Variants in KLF12 observed in about 807,000 individuals in gnomAD.
The protein encoded by KLF12 is KLF transcription factor 12.
KLF12 carries 9 observed loss-of-function variants against 37.8 expected under a neutral mutation model. The ratio of observed to expected loss-of-function variants is 0.24; its 90% CI spans 0.14 to 0.42. KLF12 has a LOEUF of 0.42. KLF12 is among the 10% of genes least tolerant of loss of function. The pLI is 1.00. For synonymous variants in KLF12, 208 were observed against 202.1 expected, an observed-to-expected ratio of 1.03 and a Z score of -0.25; for missense variants, 411 against 516.0, an observed-to-expected ratio of 0.80 and a Z score of 1.97.
chr13:74,296,376 C>T, the KLF12 span, among the ~76,000 whole-genome samples: 80,807 of 151,984 alleles, frequency 0.53, 26,667 homozygotes, highest in Non-Finnish European at 0.74. Context: ...ACTATCTCAT[C>T]CAATCTACTG....
At chr13:73,834,726 G>C (rs1306068817) in intron 4 of KLF12, among the ~76,000 whole-genome samples, 1 of 152,142 alleles carries the variant, frequency 6.6e-6, no homozygotes, top group African/African-American at 2.4e-5. Flanking sequence ...TGGCTAGGCT[G>C]GTCTCGAACT....
intron 7 of KLF12, among the ~76,000 whole-genome samples, chr13:73,700,714 C>T (rs975087529): frequency 3.9e-5 from 6 of 151,918 alleles, no homozygotes; most frequent in Non-Finnish European, 7.4e-5. Context: ...ATTATATACG[C>T]CCAGTGCCTA....
At chr13:74,128,405 A>G (rs1311124103) in intron 1 of KLF12, among the ~76,000 whole-genome samples, 1 of 39,608 alleles carries the variant, frequency 2.5e-5, no homozygotes, top group African/African-American at 3.3e-5. Context: ...TTTCCTATCA[A>G]ATCAGTTGCC....
At chr13:74,232,885 A>ATTT in the KLF12 span, among the ~76,000 whole-genome samples, 1 of 138,052 alleles carries the variant, frequency 7.2e-6, no homozygotes, top group African/African-American at 3.4e-5. Context: ...TTATTTATTT[A>ATTT]TTATTATTAT....
chr13:74,017,889 A>C (rs1046432312), intron 1 of KLF12, among the ~76,000 whole-genome samples: 3 of 152,126 alleles, frequency 2.0e-5, no homozygotes, highest in Admixed American at 6.5e-5. Context: ...GCATTAGAGC[A>C]GACAGTTCCA....
chr13:74,186,571 C>G, the KLF12 span, among the ~76,000 whole-genome samples: 1 of 152,138 alleles, frequency 6.6e-6, no homozygotes. Flanking sequence ...CACATCATCT[C>G]AGTGATATTG....
At position 73,690,693 on chromosome 13, in the gene KLF12, AC is replaced by A. The variant is rs1451123029; in HGVS notation, c.*4796del. The A allele has an allele frequency of 6.6e-5, 10 of 152,364 alleles. No homozygotes were observed. Among genetic ancestry groups the A allele is most frequent in the African/African-American group, 2.4e-4 (10 of 41,454 alleles). The allele number at this position is 152,364 out of a possible 1,614,324, so 9.4% of individuals were successfully genotyped here. On this transcript the variant is annotated 3_prime_UTR_variant, in exon 8 of 8. Coordinates refer to ENST00000377669, the MANE Select transcript of KLF12 (RefSeq NM_007249.5). ...ATTTCACTCATTGTGTGTAAGATAT[AC>A]AAGGCATATCTGAACAAGTTTTTTC...
intron 2 of KLF12, among the ~76,000 whole-genome samples, chr13:73,948,710 A>T (rs1432407482): frequency 6.6e-6 from 1 of 152,128 alleles, no homozygotes; most frequent in Non-Finnish European, 1.5e-5. Flanking sequence ...AATAACAGCA[A>T]TTTTTTTCAA....
intron 2 of KLF12, among the ~76,000 whole-genome samples, chr13:73,947,721 T>A (rs1386491867): frequency 2.0e-5 from 3 of 147,226 alleles, no homozygotes; most frequent in African/African-American, 5.0e-5. Flanking sequence ...TCAAAAACCA[T>A]ATAATCACAA....
At chr13:73,777,490 C>A (rs1880681972) in intron 5 of KLF12, among the ~76,000 whole-genome samples, 1 of 152,088 alleles carries the variant, frequency 6.6e-6, no homozygotes, top group South Asian at 2.1e-4. Flanking sequence ...AGGCAGATCA[C>A]CTGAGGTTGG....
chr13:73,938,052 A>C (rs903576963), intron 3 of KLF12, among the ~76,000 whole-genome samples: 1 of 152,252 alleles, frequency 6.6e-6, no homozygotes, highest in Non-Finnish European at 1.5e-5. Flanking sequence ...TTAAATGATA[A>C]GCAAACTCGT....
chr13:74,210,007 G>A, the KLF12 span, among the ~76,000 whole-genome samples: 255 of 152,304 alleles, frequency 1.7e-3, no homozygotes, highest in Middle Eastern at 3.4e-3. Context: ...CATGGAAGAA[G>A]ATACTGCATA....
At chr13:73,945,393 T>C (rs1199208389) in intron 2 of KLF12, among the ~76,000 whole-genome samples, 4 of 152,102 alleles carry the variant, frequency 2.6e-5, no homozygotes, top group African/African-American at 9.7e-5. Context: ...TACTTGAACC[T>C]TGGAGGTGGA....
At chr13:73,761,861 G>C (rs1355541082) in intron 6 of KLF12, among the ~76,000 whole-genome samples, 1 of 152,160 alleles carries the variant, frequency 6.6e-6, no homozygotes, top group East Asian at 1.9e-4. Context: ...GGACAAGGGT[G>C]AAGGTAAAGA....
Position 73,739,873 on chromosome 13 carries a change from A to G in KLF12, c.870-24348T>C, listed in dbSNP as rs888452090. ...CTTGGATAATTTTATCTTTTAAACA[A>G]ATTGTGTAATTTCCAATTCCAAATC... On this transcript the variant is annotated intron_variant, in intron 6 of 7. Coordinates refer to ENST00000377669, the MANE Select transcript of KLF12 (RefSeq NM_007249.5). Among the ~76,000 whole-genome samples, 4 of 152,240 alleles carry G rather than the reference A, an allele frequency of 2.6e-5. No individual in the cohort carries two copies. The East Asian group carries it at 5.8e-4, about 22-fold the overall frequency.
In KLF12 at chr13:73,910,468, T is replaced by C. The variant is rs1888514234; in HGVS notation, c.123+33513A>G. 2.6e-5 allele frequency among the ~76,000 whole-genome samples: 4 copies of C among 152,194 alleles called. No individual in the cohort carries two copies. In the South Asian group the frequency reaches 6.2e-4, roughly 24 times the overall value. On this transcript the variant is annotated intron_variant, in intron 3 of 7. Coordinates refer to ENST00000377669, the MANE Select transcript of KLF12 (RefSeq NM_007249.5). ...GCAATTTGTCTTTATTAAAGCAACT[T>C]GAATCTTAGCCACAACATTTTTAGG...
intron 1 of KLF12, among the ~76,000 whole-genome samples, chr13:74,133,590 C>T (rs574964266): frequency 6.7e-6 from 1 of 150,084 alleles, no homozygotes; most frequent in East Asian, 2.0e-4. Flanking sequence ...CCTTTAAGAA[C>T]ACAGACCAAC....
chr13:73,879,163 T>C (rs986726150), intron 3 of KLF12, among the ~76,000 whole-genome samples: 1 of 152,234 alleles, frequency 6.6e-6, no homozygotes, highest in African/African-American at 2.4e-5. Flanking sequence ...AGTTTACTGA[T>C]GTTCAGAATA....
At chr13:74,237,633 A>G in the KLF12 span, among the ~76,000 whole-genome samples, 2 of 150,320 alleles carry the variant, frequency 1.3e-5, no homozygotes, top group Non-Finnish European at 2.9e-5. Flanking sequence ...AGTGGTTTGT[A>G]GTTCTCCTTG....
Sources: gnomAD v4.1 joint callset for allele counts (sites outside exome capture counted in the v4.1 genomes callset) on GRCh38, gnomAD v4.1.1 for gene constraint, MANE v1.5 for transcripts, NCBI Gene and HGNC (gene_info 2026-07-23, HGNC 2026-07-21) for gene names.